Variants in TERT observed in about 807,000 individuals in gnomAD.
TERT encodes telomerase reverse transcriptase, also known as telomerase catalytic subunit.
Under a neutral mutation model 104.0 loss-of-function variants are expected in TERT, and 42 were observed. That is an observed-to-expected ratio of 0.40 (90% CI 0.32 to 0.52). The LOEUF (loss-of-function observed/expected upper bound fraction) is 0.52, where lower values mean the gene tolerates loss of function less well. Ranked by LOEUF, TERT falls within the 20% of genes least tolerant of loss-of-function variation. TERT has a pLI of 0.43. For missense variants in TERT, 1,101 were observed against 1,610.3 expected, an observed-to-expected ratio of 0.68 and a Z score of 5.41; for synonymous variants, 781 against 725.6, an observed-to-expected ratio of 1.08 and a Z score of -1.23.
At chr5:1,276,598 A>G (rs1749613964) in intron 6 of TERT, among the ~76,000 whole-genome samples, 3 of 149,294 alleles carry the variant, frequency 2.0e-5, no homozygotes, top group African/African-American at 7.5e-5. Flanking sequence ...ACAGATCCCC[A>G]CCTACCCCAC....
At position 1,279,565 on chromosome 5, in the gene TERT, G is replaced by C. The variant is rs554435427; in HGVS notation, c.1951-95C>G. 6.5e-5 allele frequency: 84 copies of C among 1,296,958 alleles called. No individual in the cohort carries two copies. In the African/African-American group the frequency reaches 1.1e-3, roughly 17 times the overall value. 80.3% of individuals were successfully genotyped at this position (1,296,958 alleles called of 1,614,324 possible). ...CCAGGGGAGAAGCAGCCCCTCCCCA[G>C]TGTCCCCAGCCACCCAGACCCGGGA... is the stretch of plus-strand genomic sequence containing the variant. On this transcript the variant is annotated intron_variant, in intron 4 of 15. Transcript: ENST00000310581.
intron 12 of TERT, among the ~76,000 whole-genome samples, chr5:1,260,217 G>A (rs1748125467): frequency 6.6e-6 from 1 of 152,216 alleles, no homozygotes; most frequent in African/African-American, 2.4e-5. Context: ...ACACGACTGT[G>A]CACGAACACA....
chr5:1,283,213 G>A (rs187980140), intron 2 of TERT, among the ~76,000 whole-genome samples: 84 of 130,488 alleles, frequency 6.4e-4, no homozygotes, highest in Middle Eastern at 6.3e-3. Context: ...CCAGCTAACC[G>A]CAGGGCCTGG....
intron 2 of TERT, among the ~76,000 whole-genome samples, chr5:1,290,515 G>A (rs1750831469): frequency 5.8e-5 from 3 of 51,416 alleles, no homozygotes; most frequent in African/African-American, 2.8e-4. Flanking sequence ...CGGGGACAGC[G>A]CCTCACTCAC....
chr5:1,282,919 C>A (rs1169697889), intron 2 of TERT: 1 of 442,552 alleles, frequency 2.3e-6, no homozygotes. Flanking sequence ...CAGGGCCTGG[C>A]GAACTCACCC....
At position 1,253,479 on chromosome 5, in the gene TERT, C is replaced by T; in HGVS notation, c.*249G>A. The T allele has an allele frequency of 1.7e-6, 1 of 585,510 alleles. No individual in the cohort carries two copies. Among genetic ancestry groups the T allele is most frequent in the Non-Finnish European group, 3.1e-6 (1 of 327,234 alleles). The allele number at this position is 585,510 out of a possible 1,614,324, so 36.3% of individuals were successfully genotyped here. A position where few individuals can be genotyped will look rare whatever the true frequency, so the allele number is the denominator to read the frequency against. The stretch of plus-strand genomic sequence containing the variant: ...GCTGGCCCTGGGGTGGAGCCGAGCG[C>T]CAGCCTGTGGGGAAGTGAAGACGGC... On this transcript the variant is annotated 3_prime_UTR_variant, in exon 16 of 16. Transcript: ENST00000310581.
chr5:1,289,504 G>A (rs35994758), intron 2 of TERT, among the ~76,000 whole-genome samples: 2 of 17,550 alleles, frequency 1.1e-4, no homozygotes, highest in Non-Finnish European at 1.0e-4. Flanking sequence ...ACCCGGGGAC[G>A]GCGCCTCACT....
Position 1,280,221 on chromosome 5 carries a change from C to G in TERT, c.1887G>C (p.Gly629=). The G allele has an allele frequency of 6.2e-7, 1 of 1,614,000 alleles. No homozygotes were observed. ...AGTCCATGTTCACAATCGGCCGCAG[C>G]CCGTCAGGCTTGGGGATGAAGCGGA... The part of the protein sequence containing the change: ...SRLRFIPKPD[G]LRPIVNMDYV... Residue 629 remains glycine (G), a synonymous_variant, in exon 4 of 16, where the codon GGG becomes GGC. Transcript: ENST00000310581.
In TERT at chr5:1,274,181, C is replaced by T. The variant is rs1030721831; in HGVS notation, c.2287-1901G>A. 3.3e-5 allele frequency among the ~76,000 whole-genome samples: 5 copies of T among 152,236 alleles called. No individual in the cohort carries two copies. Among genetic ancestry groups the T allele is most frequent in the Non-Finnish European group, 7.3e-5 (5 of 68,042 alleles). ...TTCCCCAGCCCCCAGGAGCTGGCGG[C>T]AGGGCCGTGGGCTAAAACCACATCG... On this transcript the variant is annotated intron_variant, in intron 6 of 15. Transcript: ENST00000310581. This position sits in a 1 kb window ranked among gnomAD's most constrained non-coding sequence, Gnocchi z 5.3.
chr5:1,293,855 G>C lies in TERT; in HGVS notation c.1031C>G (p.Ser344Cys). Residue 344 changes from serine (S) to cysteine (C), a missense_variant, in exon 2 of 16, where the codon TCC becomes TGC. This residue lies in a region of TERT where 504 missense variants were observed against 544.6 expected (regional missense o/e 0.93). Coordinates refer to ENST00000310581, the MANE Select transcript of TERT (RefSeq NM_198253.3). ...SSGDKEQLRP[S>C]FLLSSLRPSL... ...GGGCCTCAGAGAGCTGAGTAGGAAGGAGGGCCGCAGCTGCTCCTTGTCGCC... is the reference window on the plus strand; with the variant it reads ...GGGCCTCAGAGAGCTGAGTAGGAAGCAGGGCCGCAGCTGCTCCTTGTCGCC... The C allele has an allele frequency of 2.6e-6, 4 of 1,546,856 alleles. No individual in the cohort carries two copies. The highest frequency in any genetic ancestry group is 2.6e-6 in the Non-Finnish European group (3 of 1,146,980).
rs2736098 is a variant in TERT, at chr5:1,293,971, C to T, written c.915G>A (p.Ala305=). Residue 305 remains alanine, a synonymous_variant, in exon 2 of 16, where the codon GCG becomes GCA. Coordinates refer to ENST00000310581, the MANE Select transcript of TERT (RefSeq NM_198253.3). ...GTGGCCGCGATGTGGATGGGGGGCC[C>T]GCGTGGTGCTGGCGGCCCACGGATG... The part of the protein sequence containing the change: ...SHPSVGRQHH[A]GPPSTSRPPR... 0.28 allele frequency: 428,653 copies of T among 1,558,002 alleles called. 62,465 individuals carry two copies. Among genetic ancestry groups the T allele is most frequent in the South Asian group, 0.48 (40,550 of 85,044 alleles).
In TERT at chr5:1,261,372, TG is replaced by T. The variant is rs1748214580; in HGVS notation, c.2844-773del. The stretch of plus-strand genomic sequence containing the variant: ...TTAGCCCTGTATTTGGGCAGGTTCG[TG>T]ACTTGCTGTGGCAAGTCCCCCTGCC... On this transcript the variant is annotated intron_variant, in intron 11 of 15. Transcript: ENST00000310581. This position sits in a 1 kb window ranked among gnomAD's most constrained non-coding sequence, Gnocchi z 7.4. 6.6e-6 allele frequency among the ~76,000 whole-genome samples: 1 copy of T among 152,214 alleles called. No homozygotes were observed. Among genetic ancestry groups the T allele is most frequent in the Non-Finnish European group, 1.5e-5 (1 of 68,030 alleles).
In TERT at chr5:1,269,929, C is replaced by T; in HGVS notation, c.2468+1190G>A. Among the ~76,000 whole-genome samples, 1 of 152,186 alleles carries T rather than the reference C, an allele frequency of 6.6e-6. No individual in the cohort carries two copies. The highest frequency in any genetic ancestry group is 1.9e-4 in the East Asian group (1 of 5,196). The stretch of plus-strand genomic sequence containing the variant: ...ACAGACACAGTCACCTCCTGTCTGT[C>T]AGGGCATGAGGACGCAGTCATCACC... On this transcript the variant is annotated intron_variant, in intron 8 of 15. Coordinates refer to ENST00000310581, the MANE Select transcript of TERT (RefSeq NM_198253.3). The surrounding 1 kb of genome is among the most constrained non-coding windows in gnomAD (Gnocchi z 9.0).
intron 4 of TERT, among the ~76,000 whole-genome samples, 174 bp downstream of exon 4, chr5:1,279,984 T>G (rs766111845): frequency 6.6e-6 from 1 of 152,196 alleles, no homozygotes; most frequent in Non-Finnish European, 1.5e-5. Context: ...GCTGCTTTTC[T>G]GGAGGCACCG....
At position 1,286,766 on chromosome 5, in the gene TERT, T is replaced by C. The variant is rs1405386440; in HGVS notation, c.1574-4142A>G. The stretch of plus-strand genomic sequence containing the variant: ...GGTGGTGGGCGCCTGTAATCCCAGC[T>C]ACTCATGAGGTTGAGGAATGAGAAC... On this transcript the variant is annotated intron_variant, in intron 2 of 15. Transcript: ENST00000310581. This position sits in a 1 kb window ranked among gnomAD's most constrained non-coding sequence, Gnocchi z 5.3. Among the ~76,000 whole-genome samples, 1 of 151,960 alleles carries C rather than the reference T, an allele frequency of 6.6e-6. No homozygotes were observed. The highest frequency in any genetic ancestry group is 6.6e-5 in the Admixed American group (1 of 15,254).
chr5:1,254,686 C>T (rs550083091), intron 14 of TERT, among the ~76,000 whole-genome samples, 181 bp from the exon 15 acceptor site: 8 of 152,332 alleles, frequency 5.3e-5, no homozygotes, highest in Middle Eastern at 6.8e-3. Context: ...GAAATTTCCA[C>T]AACACAGAAA....
intron 12 of TERT, 66 bp downstream of exon 12, chr5:1,260,400 GCACACACA>G: frequency 6.7e-7 from 1 of 1,491,038 alleles, no homozygotes; most frequent in Non-Finnish European, 9.2e-7. Context: ...AGGCACGCGC[GCACACACA>G]CACACACATA....
rs568991164 is a variant in TERT, at chr5:1,267,652, T to C, written c.2582+868A>G. Among the ~76,000 whole-genome samples, 14 of 152,124 alleles carry C rather than the reference T, an allele frequency of 9.2e-5. No individual in the cohort carries two copies. In the South Asian group the frequency reaches 2.7e-3, roughly 29 times the overall value. ...ATATACACCACGGAATACTATGCAG[T>C]CATAAAAAAGGATGAGTTCATGTCC... is the stretch of plus-strand genomic sequence containing the variant. On this transcript the variant is annotated intron_variant, in intron 9 of 15. Coordinates refer to ENST00000310581, the MANE Select transcript of TERT (RefSeq NM_198253.3).
chr5:1,293,440 G>A lies in TERT; in HGVS notation c.1446C>T (p.His482=). Residue 482 remains histidine, a synonymous_variant, in exon 2 of 16, where the codon CAC becomes CAT. Transcript: ENST00000310581. ...LVPPGLWGSR[H]NERRFLRNTK... ...TGTTCCTGAGGAAGCGGCGTTCGTT[G>A]TGCCTGGAGCCCCAGAGGCCTGGGG... 6.2e-7 allele frequency: 1 copy of A among 1,611,868 alleles called. No individual in the cohort carries two copies. The highest frequency in any genetic ancestry group is 1.1e-5 in the South Asian group (1 of 90,852).
Sources: gnomAD v4.1 joint callset for allele counts (sites outside exome capture counted in the v4.1 genomes callset) on GRCh38, gnomAD v4.1.1 for gene constraint, gnomAD v4.1.1 regional missense constraint, Gnocchi (gnomAD v3.1) non-coding constraint, MANE v1.5 for transcripts, NCBI Gene and HGNC (gene_info 2026-07-23, HGNC 2026-07-21) for gene names.